Variants in SLC26A1 observed in about 807,000 individuals in gnomAD.
The protein encoded by SLC26A1 is sulfate anion transporter 1.
A neutral mutation model predicts 14.5 loss-of-function variants in SLC26A1; 18 were observed. The ratio of observed to expected loss-of-function variants is 1.24; its 90% CI spans 0.86 to 1.84. The LOEUF (loss-of-function observed/expected upper bound fraction) is 1.84. SLC26A1 is among the 40% of genes most tolerant of loss of function. The pLI, the probability that SLC26A1 is intolerant of heterozygous loss-of-function variation, is 0.00. For synonymous variants in SLC26A1, 505 were observed against 492.0 expected (o/e 1.03, Z -0.35); for missense variants, 1,049 against 1,020.0 (o/e 1.03, Z -0.39).
chr4:979,191 T>G (rs987007052), exon 3 of SLC26A1: 16 of 521,832 alleles, frequency 3.1e-5, no homozygotes, highest in Non-Finnish European at 4.4e-5. Flanking sequence ...GATGACTGGT[T>G]ACATCATCCA....
chr4:990,950 C>T (rs992569498), intron 2 of SLC26A1, 178 bp downstream of exon 2: 12 of 628,750 alleles, frequency 1.9e-5, no homozygotes, highest in African/African-American at 7.4e-5. Flanking sequence ...AGCCTCTCCG[C>T]GTCGGTGCCT....
downstream of SLC26A1, among the ~76,000 whole-genome samples, chr4:986,068 T>C (rs893600460): frequency 2.0e-5 from 3 of 152,116 alleles, no homozygotes; most frequent in Non-Finnish European, 4.4e-5. Flanking sequence ...CACAGGCATA[T>C]ACCATCGCAT....
chr4:987,108 C>CCCCGCGCA, downstream of SLC26A1: 1 of 1,447,410 alleles, frequency 6.9e-7, no homozygotes, highest in Non-Finnish European at 9.1e-7. Context: ...GCCCCCGCGC[C>CCCCGCGCA]GCGCTGCTGG....
rs757756523 is a variant in SLC26A1 at position 989,630 on chromosome 4, G to C, written c.1309C>G (p.Leu437Val). 5 of 1,599,396 alleles carry C rather than the reference G, an allele frequency of 3.1e-6. No individual in the cohort carries two copies. In the South Asian group the frequency reaches 4.5e-5, roughly 14 times the overall value. ...LLALAPLFHD[L>V]QRSVLACVIV... ...ACGCAGGCCAGCACGCTTCGCTGTA[G>C]GTCGTGGAACAGCGGTGCCAGCGCC... Residue 437 changes from leucine to valine, a missense_variant, in exon 3 of 3, where the codon CTA (leucine) becomes GTA (valine). Transcript: ENST00000398516.
intron 2 of SLC26A1, among the ~76,000 whole-genome samples, chr4:982,021 G>A (rs1397500114): frequency 1.3e-5 from 2 of 152,022 alleles, no homozygotes; most frequent in Non-Finnish European, 2.9e-5. Flanking sequence ...AGTTTTCACC[G>A]TGTTAGCCAG....
intron 1 of SLC26A1, 199 bp from the exon 2 acceptor site, chr4:991,929 A>C: frequency 4.2e-6 from 4 of 960,970 alleles, no homozygotes; most frequent in Non-Finnish European, 6.4e-6. Context: ...TGGATCCAGA[A>C]TCCATCGTGA....
At chr4:992,539 GGAGGGT>G in intron 1 of SLC26A1, among the ~76,000 whole-genome samples, 1 of 152,252 alleles carries the variant, frequency 6.6e-6, no homozygotes, top group Non-Finnish European at 1.5e-5. Context: ...TGGGAGGGGA[GGAGGGT>G]GACTGGCGTC....
Position 990,339 on chromosome 4 carries a change from C to T in SLC26A1, c.600G>A (p.Leu200=). The change falls in exon 3 of 3, where the codon CTG becomes CTA. Residue 200 remains leucine, a synonymous_variant. Coordinates refer to ENST00000398516, the MANE Select transcript of SLC26A1 (RefSeq NM_022042.4). ...GTGAGAGGTAGGCGGACACGAAGCC[C>T]AGCCGGAGGACGCCCATGAGGACCT... is the stretch of plus-strand genomic sequence containing the variant. ...LYQVLMGVLR[L]GFVSAYLSQP... is the part of the protein sequence containing the mutation. 1 of 1,602,872 alleles carries T rather than the reference C, an allele frequency of 6.2e-7. No homozygotes were observed. The highest frequency in any genetic ancestry group is 8.5e-7 in the Non-Finnish European group (1 of 1,176,158).
chr4:991,066 A>T, intron 2 of SLC26A1, 62 bp downstream of exon 2: 1 of 1,471,698 alleles, frequency 6.8e-7, no homozygotes, highest in South Asian at 1.4e-5. Flanking sequence ...GCCCTCGTGG[A>T]TGGCCAAAAC....
chr4:990,335 A>G lies in SLC26A1; in HGVS notation c.604T>C (p.Phe202Leu). 1 of 1,603,448 alleles carries G rather than the reference A, an allele frequency of 6.2e-7. No individual in the cohort carries two copies. Among genetic ancestry groups the G allele is most frequent in the African/African-American group, 1.3e-5 (1 of 74,988 alleles). The change falls in exon 3 of 3, where the codon TTC (phenylalanine) becomes CTC (leucine). Residue 202 changes from phenylalanine to leucine, a missense_variant. Transcript: ENST00000398516. ...GGCTGTGAGAGGTAGGCGGACACGA[A>G]GCCCAGCCGGAGGACGCCCATGAGG... is the stretch of plus-strand genomic sequence containing the variant. Reference protein sequence around the residue: ...QVLMGVLRLGFVSAYLSQPLL... With the variant: ...QVLMGVLRLGLVSAYLSQPLL...
Position 990,051 on chromosome 4 carries a change from C to A in SLC26A1, c.888G>T (p.Leu296=). ...CGAGTGTGGCCACCACGATGACCAGCAGCTCCGTGGGCAGCGGCACCCTCA... is the reference window on the plus strand; with the variant it reads ...CGAGTGTGGCCACCACGATGACCAGAAGCTCCGTGGGCAGCGGCACCCTCA... The part of the protein sequence containing the change: ...HRLRVPLPTE[L]LVIVVATLVS... The change falls in exon 3 of 3, where the codon CTG becomes CTT. Residue 296 remains leucine, a synonymous_variant. Transcript: ENST00000398516. 6.2e-7 allele frequency: 1 copy of A among 1,601,162 alleles called. No homozygotes were observed. The highest frequency in any genetic ancestry group is 8.5e-7 in the Non-Finnish European group (1 of 1,175,820).
rs747501255 is a variant in SLC26A1 at position 989,028 on chromosome 4, G to A, written c.1911C>T (p.Tyr637=). ...GCAGCAGGCTGATGCCCAGGGCCCCGTAGTCTCGGCGCAGGTCCTGCAGCG... is the reference window on the plus strand; with the variant it reads ...GCAGCAGGCTGATGCCCAGGGCCCCATAGTCTCGGCGCAGGTCCTGCAGCG... ...VSTLQDLRRD[Y]GALGISLLLA... The change falls in exon 3 of 3, where the codon TAC becomes TAT. Residue 637 remains tyrosine (Y), a synonymous_variant. Coordinates refer to ENST00000398516, the MANE Select transcript of SLC26A1 (RefSeq NM_022042.4). The A allele has an allele frequency of 2.3e-5, 37 of 1,583,368 alleles. No homozygotes were observed. In the East Asian group the frequency reaches 3.7e-4, roughly 16 times the overall value.
At position 990,284 on chromosome 4, in the gene SLC26A1, C is replaced by T. The variant is rs558397842; in HGVS notation, c.655G>A (p.Ala219Thr). 4.4e-6 allele frequency: 7 copies of T among 1,601,926 alleles called. No homozygotes were observed. The East Asian group carries it at 1.4e-4, about 31-fold the overall frequency. ...TGCGAGGTCAGGATGGTCACGGAGG[C>T]CCCCATGGCAAAGCCATCGAGCAGT... ...QPLLDGFAMG[A>T]SVTILTSQLK... The change falls in exon 3 of 3, where the codon GCC becomes ACC. Residue 219 changes from alanine to threonine, a missense_variant. Physicochemically the swap from Ala to Thr is moderately conservative, Grantham distance 58. Coordinates refer to ENST00000398516, the MANE Select transcript of SLC26A1 (RefSeq NM_022042.4).
downstream of SLC26A1, among the ~76,000 whole-genome samples, chr4:985,550 T>C (rs28700892): frequency 5.0e-3 from 766 of 152,362 alleles, 7 homozygotes; most frequent in African/African-American, 0.018. Context: ...AAGCGAGTTA[T>C]CCATCATTTT....
At position 991,527 on chromosome 4, in the gene SLC26A1, C is replaced by T; in HGVS notation, c.177G>A (p.Trp59Ter). ...ACTCCCGCGGGCGGTACTGACGCAG[C>T]CAGCGCGTGGCGGGGAGCAGGTCCT... is the stretch of plus-strand genomic sequence containing the variant. ...LVQDLLPATR[W>*]LRQYRPREYL... Residue 59 changes from tryptophan to a stop codon, truncating the protein, a stop_gained, in exon 2 of 3, where the codon TGG becomes TGA. Transcript: ENST00000398516. LOFTEE classifies it high-confidence loss of function. The T allele has an allele frequency of 1.9e-6, 3 of 1,606,934 alleles. No individual in the cohort carries two copies. The highest frequency in any genetic ancestry group is 2.6e-6 in the Non-Finnish European group (3 of 1,176,330).
rs1246088500 is a variant in SLC26A1 at position 992,271 on chromosome 4, G to C, written c.-27-541C>G. On this transcript the variant is annotated intron_variant, in intron 1 of 2. Coordinates refer to ENST00000398516, the MANE Select transcript of SLC26A1 (RefSeq NM_022042.4). ...TGCTGTCCACCCCATGCCCACACCA[G>C]AGCCCTCCCTCCCCCATCCAAACCA... 11 of 449,926 alleles carry C rather than the reference G, an allele frequency of 2.4e-5. No individual in the cohort carries two copies. In the East Asian group the frequency reaches 4.9e-4, roughly 20 times the overall value. 27.9% of individuals were successfully genotyped at this position (449,926 alleles called of 1,614,324 possible).
chr4:985,544 G>A (rs77939137), downstream of SLC26A1, among the ~76,000 whole-genome samples: 1,026 of 152,288 alleles, frequency 6.7e-3, 9 homozygotes, highest in African/African-American at 0.021. Flanking sequence ...TTTTTAAAGC[G>A]AGTTATCCAT....
In SLC26A1 at chr4:987,730, C is replaced by T; in HGVS notation, c.*1103G>A. On this transcript the variant is annotated 3_prime_UTR_variant, in exon 3 of 3. Transcript: ENST00000398516. ...GCCTGGATCCTGCGCCCGGGCAGTCCTGGGCTTGAACGTGTGTGTCAGCCG... is the reference window on the plus strand; with the variant it reads ...GCCTGGATCCTGCGCCCGGGCAGTCTTGGGCTTGAACGTGTGTGTCAGCCG... The T allele has an allele frequency of 6.3e-7, 1 of 1,597,806 alleles. No homozygotes were observed. The highest frequency in any genetic ancestry group is 8.5e-7 in the Non-Finnish European group (1 of 1,173,250).
At chr4:979,760 A>G (rs1713483574) in intron 2 of SLC26A1, among the ~76,000 whole-genome samples, 1 of 152,204 alleles carries the variant, frequency 6.6e-6, no homozygotes, top group African/African-American at 2.4e-5. Context: ...TGGACCTGCT[A>G]TGCCAGTGCC....
Sources: allele counts gnomAD v4.1 joint callset (sites outside exome capture counted in the v4.1 genomes callset), GRCh38; gene constraint gnomAD v4.1.1; transcripts MANE v1.5; gene names NCBI Gene and HGNC (gene_info 2026-07-23, HGNC 2026-07-21).